The following FAM186A variants were observed in gnomAD, a reference collection of about 807,000 sequenced individuals.
FAM186A encodes protein FAM186A.
Under a neutral mutation model 216.8 loss-of-function variants are expected in FAM186A, and 163 were observed. That is an observed-to-expected ratio of 0.75 (90% CI 0.66 to 0.86). The LOEUF (loss-of-function observed/expected upper bound fraction) is 0.86, where lower values mean the gene tolerates loss of function less well. Ranked by LOEUF, FAM186A falls within the 40% of genes least tolerant of loss-of-function variation. The probability of loss-of-function intolerance (pLI) is 0.00; values close to 1 mark genes in which losing one functional copy is unlikely to be tolerated. For synonymous variants in FAM186A, 805 were observed against 1,025.3 expected (o/e 0.79, Z 4.10); for missense variants, 2,184 against 2,746.2 (o/e 0.80, Z 4.58).
intron 4 of FAM186A, among the ~76,000 whole-genome samples, chr12:50,344,197 G>A (rs1460021420): frequency 6.6e-6 from 1 of 151,934 alleles, no homozygotes; most frequent in Non-Finnish European, 1.5e-5. Context: ...GAGATTTGGG[G>A]TACAAATGAT....
At position 50,350,698 on chromosome 12, in the gene FAM186A, G is replaced by A; in HGVS notation, c.6134C>T (p.Thr2045Ile). The change falls in exon 4 of 8, where the codon ACA (threonine) becomes ATA (isoleucine). Residue 2045 changes from threonine to isoleucine, a missense_variant. Around this residue, in one of 7 missense-constraint regions of FAM186A, gnomAD observed 721 missense variants for 816.4 expected, o/e 0.88. Transcript: ENST00000327337. Reference sequence around the variant, plus strand: ...TAGAGTAGTGAGAGAAGATGGTGATGTTGTTGGCTTCATGAGAGTGAGAAG... The same window carrying A: ...TAGAGTAGTGAGAGAAGATGGTGATATTGTTGGCTTCATGAGAGTGAGAAG... ...RALLTLMKPT[T>I]SPSSLTTLLR... The A allele has an allele frequency of 6.4e-7, 1 of 1,551,642 alleles. No individual in the cohort carries two copies. The highest frequency in any genetic ancestry group is 8.7e-7 in the Non-Finnish European group (1 of 1,146,976).
At chr12:50,379,314 C>A (rs1293857712) in intron 1 of FAM186A, among the ~76,000 whole-genome samples, 1 of 151,952 alleles carries the variant, frequency 6.6e-6, no homozygotes, top group Admixed American at 6.6e-5. Flanking sequence ...GTGGTGGGCG[C>A]CTGTAGTCCC....
chr12:50,347,697 C>G (rs1429573961), intron 4 of FAM186A, among the ~76,000 whole-genome samples: 2 of 151,928 alleles, frequency 1.3e-5, no homozygotes, highest in African/African-American at 2.4e-5. Flanking sequence ...AAAAAATTCC[C>G]CGAAATAATA....
At chr12:50,358,477 G>A (rs2136095629) in intron 3 of FAM186A, among the ~76,000 whole-genome samples, 1 of 152,226 alleles carries the variant, frequency 6.6e-6, no homozygotes, top group South Asian at 2.1e-4. Context: ...CAGCTACTCA[G>A]GAGACTGAGG....
rs757374647 is a variant in FAM186A, at chr12:50,363,203, C to T, written c.354G>A (p.Lys118=). 3.5e-5 allele frequency: 55 copies of T among 1,551,404 alleles called. No individual in the cohort carries two copies. Among genetic ancestry groups the T allele is most frequent in the Non-Finnish European group, 4.5e-5 (52 of 1,146,966 alleles). ...NFLEKMATYA[K]TIEIREKTLA... The stretch of plus-strand genomic sequence containing the variant: ...GAGTCTTTTCTCTTATTTCAATAGT[C>T]TTAGCGTAAGTAGCCATTTTCTCAA... Residue 118 remains lysine, a synonymous_variant, in exon 2 of 8, where the codon AAG becomes AAA. Coordinates refer to ENST00000327337, the MANE Select transcript of FAM186A (RefSeq NM_001145475.3).
rs1395422319 is a variant in FAM186A at position 50,352,517 on chromosome 12, G to A, written c.4315C>T (p.Gln1439Ter). The change falls in exon 4 of 8, where the codon CAG (glutamine) becomes TAG (stop). Residue 1439 changes from glutamine (Q) to a stop codon, truncating the protein, a stop_gained. Transcript: ENST00000327337. LOFTEE classifies it high-confidence loss of function. Reference protein sequence around the residue: ...QAQEITLTPQQAQALGMPLTA... With the variant: ...QAQEITLTPQ Reference sequence around the variant, plus strand: ...AGAGGCATCCCCAGGGCCTGGGCCTGCTGAGGGGTGAGAGTGATCTCCTGA... The same window carrying A: ...AGAGGCATCCCCAGGGCCTGGGCCTACTGAGGGGTGAGAGTGATCTCCTGA... 6.7e-7 allele frequency: 1 copy of A among 1,499,000 alleles called. No homozygotes were observed. Among genetic ancestry groups the A allele is most frequent in the African/African-American group, 1.4e-5 (1 of 70,226 alleles). 92.9% of individuals were successfully genotyped at this position (1,499,000 alleles called of 1,614,324 possible).
intron 1 of FAM186A, among the ~76,000 whole-genome samples, chr12:50,395,919 G>A (rs1218998281): frequency 6.6e-6 from 1 of 152,020 alleles, no homozygotes; most frequent in Non-Finnish European, 1.5e-5. Flanking sequence ...GTGCAATCAT[G>A]CCCAGCTAAC....
intron 1 of FAM186A, among the ~76,000 whole-genome samples, chr12:50,383,033 A>G (rs1943267312): frequency 2.0e-5 from 3 of 152,028 alleles, no homozygotes; most frequent in African/African-American, 7.2e-5. Flanking sequence ...CCTGGACAAC[A>G]TGGAGAAACC....
intron 4 of FAM186A, among the ~76,000 whole-genome samples, chr12:50,343,641 C>T (rs184348628): frequency 5.6e-4 from 85 of 151,764 alleles, no homozygotes; most frequent in Middle Eastern, 3.4e-3. Flanking sequence ...TTCTTTGAGA[C>T]GGAGTCTCGC....
At chr12:50,367,256 C>T (rs558802833) in intron 1 of FAM186A, among the ~76,000 whole-genome samples, 1 of 152,138 alleles carries the variant, frequency 6.6e-6, no homozygotes, top group Non-Finnish European at 1.5e-5. Flanking sequence ...CGGTGCCTCA[C>T]GCCTGTAATC....
chr12:50,353,694 T>C lies in FAM186A; in HGVS notation c.3138A>G (p.Ile1046Met). 1 of 1,539,090 alleles carries C rather than the reference T, an allele frequency of 6.5e-7. No homozygotes were observed. Among genetic ancestry groups the C allele is most frequent in the Non-Finnish European group, 8.8e-7 (1 of 1,142,836 alleles). ...LENLPDEKEP[I>M]SITPPPSLQY... ...GTAGGGAGGGGGGAGGTGTGATTGA[T>C]ATGGGCTCCTTTTCATCAGGAAGGT... The change falls in exon 4 of 8, where the codon ATA becomes ATG. Residue 1046 changes from isoleucine to methionine, a missense_variant. Around this residue, in one of 7 missense-constraint regions of FAM186A, gnomAD observed 1,132 missense variants for 1,263.4 expected, o/e 0.90. Transcript: ENST00000327337.
intron 1 of FAM186A, among the ~76,000 whole-genome samples, chr12:50,382,361 G>A (rs1376685301): frequency 6.6e-6 from 1 of 151,850 alleles, no homozygotes; most frequent in Non-Finnish European, 1.5e-5. Flanking sequence ...TTTCTAGGGG[G>A]AATAGCATGT....
intron 1 of FAM186A, chr12:50,366,026 T>C: frequency 1.3e-6 from 1 of 759,248 alleles, no homozygotes; most frequent in Non-Finnish European, 2.4e-6. Flanking sequence ...AAGCCAAATC[T>C]CGCCAAGTAG....
chr12:50,387,187 C>T (rs1028642838), intron 1 of FAM186A, among the ~76,000 whole-genome samples: 2 of 152,274 alleles, frequency 1.3e-5, no homozygotes, highest in South Asian at 4.1e-4. Context: ...CCCACTCAGA[C>T]ACCAGTCACA....
intron 4 of FAM186A, among the ~76,000 whole-genome samples, chr12:50,348,614 C>T (rs1260903438): frequency 6.6e-6 from 1 of 151,906 alleles, no homozygotes; most frequent in African/African-American, 2.4e-5. Flanking sequence ...GGCTGGAGTC[C>T]AGCGGCTCAA....
chr12:50,358,932 A>AG (rs1175412161), intron 3 of FAM186A, among the ~76,000 whole-genome samples: 1 of 151,478 alleles, frequency 6.6e-6, no homozygotes, highest in Non-Finnish European at 1.5e-5. Flanking sequence ...CAAAAAAAAA[A>AG]AAAAAGTTAA....
In FAM186A at chr12:50,387,047, C is replaced by T. The variant is rs542293346; in HGVS notation, c.192+9246G>A. Among the ~76,000 whole-genome samples the T allele has an allele frequency of 2.6e-5, 4 of 152,152 alleles. No individual in the cohort carries two copies. In the South Asian group the frequency reaches 6.2e-4, roughly 24 times the overall value. On this transcript the variant is annotated intron_variant, in intron 1 of 7. Coordinates refer to ENST00000327337, the MANE Select transcript of FAM186A (RefSeq NM_001145475.3). The stretch of plus-strand genomic sequence containing the variant: ...ATGTGGGGTCGGAGGAGCAGATTCT[C>T]CCCACCACCAAGCAGGGAACCATTT...
intron 6 of FAM186A, among the ~76,000 whole-genome samples, chr12:50,331,117 C>A (rs941285249): frequency 2.0e-5 from 3 of 152,022 alleles, no homozygotes; most frequent in Non-Finnish European, 4.4e-5. Flanking sequence ...ATTAAATATT[C>A]TTAAAAGAAT....
intron 2 of FAM186A, 83 bp downstream of exon 2, chr12:50,363,062 A>T: frequency 8.8e-7 from 1 of 1,137,348 alleles, no homozygotes; most frequent in Non-Finnish European, 1.2e-6. Context: ...TAATCTGATT[A>T]ATCCTTCAAA....
Sources: gnomAD v4.1 joint callset for allele counts (sites outside exome capture counted in the v4.1 genomes callset) on GRCh38, gnomAD v4.1.1 for gene constraint, gnomAD v4.1.1 regional missense constraint, MANE v1.5 for transcripts, NCBI Gene and HGNC (gene_info 2026-07-23, HGNC 2026-07-21) for gene names.